Variants in KITLG observed in about 807,000 individuals in gnomAD.
KITLG encodes the protein c-Kit ligand.
Under a neutral mutation model 34.1 loss-of-function variants are expected in KITLG, and 13 were observed. The ratio of observed to expected loss-of-function variants is 0.38; its 90% confidence interval spans 0.25 to 0.61. The LOEUF is 0.61. KITLG is among the 20% of genes least tolerant of loss of function. The probability of loss-of-function intolerance (pLI) is 0.60; values close to 1 mark genes in which losing one functional copy is unlikely to be tolerated. For missense variants in KITLG, 292 were observed against 318.9 expected (o/e 0.92, Z 0.64); for synonymous variants, 110 against 104.0 (o/e 1.06, Z -0.35).
chr12:88,519,890 C>T lies in KITLG; in HGVS notation c.193-1023G>A, dbSNP rs138560985. 6.4e-3 allele frequency among the ~76,000 whole-genome samples: 979 copies of T among 152,246 alleles called. 5 individuals carry two copies. Among genetic ancestry groups the T allele is most frequent in the African/African-American group, 0.023 (947 of 41,550 alleles). On this transcript the variant is annotated intron_variant, in intron 3 of 9. Transcript: ENST00000644744. Reference sequence around the variant, plus strand: ...CCTCCCTCCTCAGCATTCTAAAATGCTGGGATTAGAGGCGTGAGTCACTGC... The same window carrying T: ...CCTCCCTCCTCAGCATTCTAAAATGTTGGGATTAGAGGCGTGAGTCACTGC...
chr12:88,577,896 A>AT (rs917904111), intron 1 of KITLG, among the ~76,000 whole-genome samples: 98 of 152,160 alleles, frequency 6.4e-4, no homozygotes, highest in African/African-American at 2.3e-3. Flanking sequence ...ATTACTATAA[A>AT]TTTTTTTTAT....
rs1409117860 is a variant in KITLG, at chr12:88,580,326, C to T, written c.-48G>A. 1 of 1,607,970 alleles carries T rather than the reference C, an allele frequency of 6.2e-7. No homozygotes were observed. Among genetic ancestry groups the T allele is most frequent in the African/African-American group, 1.3e-5 (1 of 74,828 alleles). ...CAGCACAAACAGTGGTGTGGCGACT[C>T]CGTTTAGCTGTTCTGGAGCTCCAGC... is the stretch of plus-strand genomic sequence containing the variant. On this transcript the variant is annotated 5_prime_UTR_variant, in exon 1 of 10. Coordinates refer to ENST00000644744, the MANE Select transcript of KITLG (RefSeq NM_000899.5).
Position 88,518,839 on chromosome 12 carries a change from A to G in KITLG, c.221T>C (p.Val74Ala). 6.2e-7 allele frequency: 1 copy of G among 1,613,684 alleles called. No individual in the cohort carries two copies. Among genetic ancestry groups the G allele is most frequent in the Non-Finnish European group, 8.5e-7 (1 of 1,179,810 alleles). ...AGTCAAGCTGTCTGACAATTGTACT[A>G]CCATCTCGCTTATCCAACAATGACT... ...LPSHCWISEMVVQLSDSLTDL... is the reference protein window; with the variant it reads ...LPSHCWISEMAVQLSDSLTDL... The change falls in exon 4 of 10, where the codon GTA becomes GCA. Residue 74 changes from valine to alanine, a missense_variant. Coordinates refer to ENST00000644744, the MANE Select transcript of KITLG (RefSeq NM_000899.5).
At chr12:88,546,647 C>T (rs1377758729) in intron 1 of KITLG, among the ~76,000 whole-genome samples, 1 of 152,124 alleles carries the variant, frequency 6.6e-6, no homozygotes, top group East Asian at 1.9e-4. Flanking sequence ...AGTATCTTCA[C>T]AACACATAAC....
chr12:88,519,061 CA>C (rs1869563636), intron 3 of KITLG, among the ~76,000 whole-genome samples, 194 bp from the exon 4 acceptor site: 1 of 152,076 alleles, frequency 6.6e-6, no homozygotes, highest in African/African-American at 2.4e-5. Flanking sequence ...GAAGTTTCAC[CA>C]TGTTGGCCAG....
chr12:88,570,083 T>G (rs1477971327), intron 1 of KITLG, among the ~76,000 whole-genome samples: 2 of 152,324 alleles, frequency 1.3e-5, no homozygotes, highest in East Asian at 3.9e-4. Context: ...AAAAGTACTT[T>G]CTGAAGTATC....
intron 1 of KITLG, among the ~76,000 whole-genome samples, chr12:88,553,456 A>T (rs1485091611): frequency 6.6e-6 from 1 of 151,850 alleles, no homozygotes; most frequent in Non-Finnish European, 1.5e-5. Context: ...TTTTCTGTTA[A>T]CATTCTCTGC....
At chr12:88,570,537 C>CAAA (rs3057318) in intron 1 of KITLG, among the ~76,000 whole-genome samples, 14 of 148,916 alleles carry the variant, frequency 9.4e-5, no homozygotes, top group Non-Finnish European at 1.9e-4. Flanking sequence ...ACAACAACAA[C>CAAA]AAAAAAAAAA....
intron 3 of KITLG, among the ~76,000 whole-genome samples, chr12:88,529,643 AC>A (rs1218590717): frequency 6.6e-6 from 1 of 152,212 alleles, no homozygotes; most frequent in Non-Finnish European, 1.5e-5. Context: ...TTGCTTTGGC[AC>A]CAGAGAATCT....
In KITLG at chr12:88,515,555, T is replaced by C. The variant is rs1869424837; in HGVS notation, c.583A>G (p.Asn195Asp). 6.2e-7 allele frequency: 1 copy of C among 1,610,214 alleles called. No individual in the cohort carries two copies. Among genetic ancestry groups the C allele is most frequent in the African/African-American group, 1.3e-5 (1 of 74,794 alleles). The change falls in exon 6 of 10, where the codon AAT becomes GAT. Residue 195 changes from asparagine to aspartate, a missense_variant. Asn to Asp is a conservative substitution (Grantham distance 23). Around this residue, in one of 2 missense-constraint regions of KITLG, gnomAD observed 140 missense variants for 111.0 expected, o/e 1.26. Transcript: ENST00000644744. ...TTACTATTACTGCTACTGCTGTCAT[T>C]CCTAAGGGAGCTGGCTGCAACAGGG... ...LPPVAASSLRNDSSSSNRKAK... is the reference protein window; with the variant it reads ...LPPVAASSLRDDSSSSNRKAK...
At chr12:88,498,473 T>A (rs1868724656) in intron 9 of KITLG, among the ~76,000 whole-genome samples, 1 of 152,030 alleles carries the variant, frequency 6.6e-6, no homozygotes, top group Admixed American at 6.6e-5. Flanking sequence ...CCAAAATATA[T>A]AGAAGATATT....
At position 88,494,755 on chromosome 12, in the gene KITLG, C is replaced by T. The variant is rs1164599991; in HGVS notation, c.*2464G>A. The T allele has an allele frequency of 6.6e-6, 1 of 152,198 alleles. No homozygotes were observed. Among genetic ancestry groups the T allele is most frequent in the Admixed American group, 6.6e-5 (1 of 15,202 alleles). The allele number at this position is 152,198 out of a possible 1,614,324, so 9.4% of individuals were successfully genotyped here. ...ATCATTTTAAAAGGTAATTTTGAAACCTTCCAAGATGGAACTGTCAGATAC... is the reference window on the plus strand; with the variant it reads ...ATCATTTTAAAAGGTAATTTTGAAATCTTCCAAGATGGAACTGTCAGATAC... On this transcript the variant is annotated 3_prime_UTR_variant, in exon 10 of 10. Transcript: ENST00000644744.
At chr12:88,561,202 G>A (rs1052559983) in intron 1 of KITLG, among the ~76,000 whole-genome samples, 1 of 152,062 alleles carries the variant, frequency 6.6e-6, no homozygotes, top group African/African-American at 2.4e-5. Flanking sequence ...TGACTTTATA[G>A]GTTTGCTGAG....
intron 1 of KITLG, among the ~76,000 whole-genome samples, chr12:88,554,270 A>G (rs1566032446): frequency 6.6e-6 from 1 of 152,234 alleles, no homozygotes; most frequent in African/African-American, 2.4e-5. Context: ...AAACAAAAAA[A>G]TAAAATACAG....
At chr12:88,562,458 T>C (rs1053527770) in intron 1 of KITLG, among the ~76,000 whole-genome samples, 4 of 152,232 alleles carry the variant, frequency 2.6e-5, no homozygotes, top group Non-Finnish European at 5.9e-5. Context: ...CCATATGGAC[T>C]TTCAGTCCCT....
chr12:88,512,199 A>T (rs968197143), intron 6 of KITLG, among the ~76,000 whole-genome samples: 1 of 152,162 alleles, frequency 6.6e-6, no homozygotes, highest in Admixed American at 6.6e-5. Flanking sequence ...GCAGAGAAAT[A>T]TGAAATACAT....
intron 6 of KITLG, among the ~76,000 whole-genome samples, chr12:88,510,042 G>A (rs1366943880): frequency 6.6e-6 from 1 of 152,020 alleles, no homozygotes; most frequent in East Asian, 1.9e-4. Flanking sequence ...CAAATTCCTG[G>A]GTTATTACCA....
intron 1 of KITLG, among the ~76,000 whole-genome samples, chr12:88,563,678 T>C (rs1871359886): frequency 6.6e-6 from 1 of 152,160 alleles, no homozygotes. Flanking sequence ...AAGGAAGATG[T>C]GGCCGGGCGC....
chr12:88,524,364 A>C (rs998497649), intron 3 of KITLG, among the ~76,000 whole-genome samples: 5 of 152,164 alleles, frequency 3.3e-5, no homozygotes, highest in Non-Finnish European at 7.4e-5. Context: ...CTCAATGGTA[A>C]ATTTTATTAA....
Sources: allele counts gnomAD v4.1 joint callset (sites outside exome capture counted in the v4.1 genomes callset), GRCh38; gene constraint gnomAD v4.1.1; regional missense constraint gnomAD v4.1.1; transcripts MANE v1.5; gene names NCBI Gene and HGNC (gene_info 2026-07-23, HGNC 2026-07-21).